CECR2: variants seen among roughly 807,000 people sequenced by gnomAD.
CECR2 encodes the protein CECR2 histone acetyl-lysine reader.
CECR2 carries 30 observed loss-of-function variants against 154.5 expected under a neutral mutation model. That is an observed-to-expected ratio of 0.19 (90% CI 0.15 to 0.26). The LOEUF (loss-of-function observed/expected upper bound fraction) is 0.26, where lower values mean the gene tolerates loss of function less well. Among genes scored for constraint, CECR2 ranks in the 10% least tolerant of loss-of-function variants. The pLI, the probability that CECR2 is intolerant of heterozygous loss-of-function variation, is 1.00. For missense variants in CECR2, 1,743 were observed against 1,829.3 expected (o/e 0.95, Z 0.86); for synonymous variants, 725 against 683.7 (o/e 1.06, Z -0.94).
rs140008574 is a variant in CECR2 at position 17,419,843 on chromosome 22, C to T, written c.126+49934C>T. The T allele has an allele frequency of 4.2e-4, 116 of 276,886 alleles. No homozygotes were observed. In the East Asian group the frequency reaches 4.3e-3, roughly 10 times the overall value. The allele number at this position is 276,886 out of a possible 1,614,324, so 17.2% of individuals were successfully genotyped here. A position where few individuals can be genotyped will look rare whatever the true frequency, so the allele number is the denominator to read the frequency against. On this transcript the variant is annotated intron_variant, in intron 1 of 18. Transcript: ENST00000262608. ...CTCAGAGGATTAGAGGATTGAGTTT[C>T]GAAAGAAATAATTGGCAAGATAATG... is the stretch of plus-strand genomic sequence containing the variant.
At chr22:17,427,533 G>T (rs2054350399) in intron 1 of CECR2, among the ~76,000 whole-genome samples, 1 of 152,084 alleles carries the variant, frequency 6.6e-6, no homozygotes, top group Non-Finnish European at 1.5e-5. Context: ...CCTTCCGGTG[G>T]GTTTGTGGTC....
intron 8 of CECR2, among the ~76,000 whole-genome samples, chr22:17,515,077 T>C (rs576730245): frequency 2.0e-5 from 3 of 152,140 alleles, no homozygotes; most frequent in East Asian, 3.9e-4. Context: ...ATTTTTTTTT[T>C]CTCATATGTG....
At chr22:17,467,337 C>T (rs1039061424) in intron 1 of CECR2, among the ~76,000 whole-genome samples, 1 of 152,060 alleles carries the variant, frequency 6.6e-6, no homozygotes, top group Non-Finnish European at 1.5e-5. Flanking sequence ...CTGGGTGACT[C>T]GCTTTGAGGA....
chr22:17,519,477 C>A (rs1255282713), intron 8 of CECR2, among the ~76,000 whole-genome samples: 1 of 151,878 alleles, frequency 6.6e-6, no homozygotes, highest in East Asian at 1.9e-4. Flanking sequence ...CCAGGAAGGT[C>A]TTGATCTCCT....
chr22:17,368,501 T>G (rs1177197015), upstream of CECR2, among the ~76,000 whole-genome samples: 1 of 152,200 alleles, frequency 6.6e-6, no homozygotes, highest in Non-Finnish European at 1.5e-5. Flanking sequence ...GGGGTGATTT[T>G]TTTTCTTAGG....
At chr22:17,459,379 C>A (rs1237540094) in intron 1 of CECR2, among the ~76,000 whole-genome samples, 1 of 152,210 alleles carries the variant, frequency 6.6e-6, no homozygotes, top group Non-Finnish European at 1.5e-5. Context: ...GCCTCTGCAA[C>A]TTCCCGGGTT....
chr22:17,510,682 A>G (rs1014567141), intron 7 of CECR2, among the ~76,000 whole-genome samples: 1 of 152,178 alleles, frequency 6.6e-6, no homozygotes, highest in South Asian at 2.1e-4. Flanking sequence ...GCTCACTGCA[A>G]GCTCCGCCTG....
At chr22:17,381,884 ATTT>A (rs35781889) in intron 1 of CECR2, among the ~76,000 whole-genome samples, 2 of 140,794 alleles carry the variant, frequency 1.4e-5, no homozygotes, top group Non-Finnish European at 1.5e-5. Flanking sequence ...GAGCCCCCAC[ATTT>A]TTTTTTTTTG....
intron 1 of CECR2, among the ~76,000 whole-genome samples, chr22:17,414,948 G>C (rs2054134598): frequency 6.6e-6 from 1 of 152,214 alleles, no homozygotes; most frequent in Non-Finnish European, 1.5e-5. Flanking sequence ...TAATTTCTGA[G>C]GTGTGGTTTT....
At chr22:17,406,290 G>A (rs2040324094) in intron 1 of CECR2, among the ~76,000 whole-genome samples, 2 of 152,214 alleles carry the variant, frequency 1.3e-5, no homozygotes, top group South Asian at 2.1e-4. Context: ...GGAGGCCAAG[G>A]CGGGAGGACC....
At chr22:17,423,844 CT>C (rs1455844993) in intron 1 of CECR2, among the ~76,000 whole-genome samples, 1 of 152,186 alleles carries the variant, frequency 6.6e-6, no homozygotes, top group African/African-American at 2.4e-5. Context: ...TCTGAGAAGA[CT>C]TGTTTCGTCT....
At chr22:17,374,296 A>G (rs889999459) in intron 1 of CECR2, among the ~76,000 whole-genome samples, 7 of 152,210 alleles carry the variant, frequency 4.6e-5, no homozygotes, top group Non-Finnish European at 8.8e-5. Flanking sequence ...ATCTAGGGGC[A>G]ATATTCAGAT....
chr22:17,497,628 C>T (rs2055655192), intron 3 of CECR2, 42 bp downstream of exon 3: 1 of 1,587,614 alleles, frequency 6.3e-7, no homozygotes, highest in Admixed American at 1.7e-5. Flanking sequence ...CTGTGAAAAG[C>T]CAGCAATCAG....
At chr22:17,433,935 G>T (rs1013133889) in intron 1 of CECR2, among the ~76,000 whole-genome samples, 1 of 151,506 alleles carries the variant, frequency 6.6e-6, no homozygotes, top group African/African-American at 2.4e-5. Flanking sequence ...AATGGGGAGC[G>T]AATCTAAAAA....
At chr22:17,378,486 C>T (rs71328211) in intron 1 of CECR2, among the ~76,000 whole-genome samples, 4,525 of 152,014 alleles carry the variant, frequency 0.03, 80 homozygotes, top group Non-Finnish European at 0.049. Context: ...TTAGTAGAGA[C>T]GGGGTTTCAC....
At chr22:17,498,624 G>A (rs542551989) in intron 3 of CECR2, among the ~76,000 whole-genome samples, 28 of 152,274 alleles carry the variant, frequency 1.8e-4, no homozygotes, top group South Asian at 6.2e-4. Context: ...GTCAGCCCCC[G>A]AGGTAAATTG....
intron 1 of CECR2, among the ~76,000 whole-genome samples, chr22:17,451,253 A>G (rs2054765062): frequency 6.6e-6 from 1 of 152,244 alleles, no homozygotes. Context: ...CATTACAGGT[A>G]GATTTTTAAA....
chr22:17,409,581 T>C (rs2054036608), intron 1 of CECR2, among the ~76,000 whole-genome samples: 1 of 112,318 alleles, frequency 8.9e-6, no homozygotes. Context: ...TTCCTGTCAG[T>C]GTCAGTGATT....
chr22:17,552,774 G>GTTTTTTGTTTTTT, intron 18 of CECR2, 61 bp from the exon 19 acceptor site: 20 of 933,460 alleles, frequency 2.1e-5, no homozygotes, highest in South Asian at 6.5e-5. Context: ...GCTTACTTAA[G>GTTTTTTGTTTTTT]TTTTTTTTTT....
Sources: allele counts gnomAD v4.1 joint callset (sites outside exome capture counted in the v4.1 genomes callset), GRCh38; gene constraint gnomAD v4.1.1; transcripts MANE v1.5; gene names NCBI Gene and HGNC (gene_info 2026-07-23, HGNC 2026-07-21).